The following DNAH11 variants were observed in gnomAD, a reference collection of about 807,000 sequenced individuals.
DNAH11 encodes the protein dynein axonemal heavy chain 11.
A neutral mutation model predicts 526.0 loss-of-function variants in DNAH11; 442 were observed. The ratio of observed to expected loss-of-function variants is 0.84; its 90% CI spans 0.78 to 0.91. The LOEUF (loss-of-function observed/expected upper bound fraction) is 0.91. DNAH11 is among the 40% of genes least tolerant of loss of function. The pLI is 0.00. For missense variants in DNAH11, 6,989 were observed against 5,448.7 expected (o/e 1.28, Z -8.90); for synonymous variants, 2,461 against 1,935.9 (o/e 1.27, Z -7.12).
intron 65 of DNAH11, among the ~76,000 whole-genome samples, chr7:21,836,486 C>T (rs938059456): frequency 6.6e-6 from 1 of 152,066 alleles, no homozygotes; most frequent in African/African-American, 2.4e-5. Context: ...CAAGAATACA[C>T]ATTGTGGAAA....
At chr7:21,546,601 G>T (rs1782814027) in intron 2 of DNAH11, among the ~76,000 whole-genome samples, 1 of 152,148 alleles carries the variant, frequency 6.6e-6, no homozygotes, top group Admixed American at 6.6e-5. Context: ...TCTGAAAAAG[G>T]TATGCCTGCT....
intron 71 of DNAH11, among the ~76,000 whole-genome samples, chr7:21,867,550 G>C (rs1281155037): frequency 2.6e-5 from 4 of 152,244 alleles, no homozygotes; most frequent in Non-Finnish European, 5.9e-5. Flanking sequence ...AGTAATGGGG[G>C]AATCTGGCAG....
rs1554318136 is a variant in DNAH11, at chr7:21,599,958, C to G, written c.2839C>G (p.Gln947Glu). The G allele has an allele frequency of 1.2e-6, 2 of 1,613,512 alleles. No individual in the cohort carries two copies. The highest frequency in any genetic ancestry group is 1.7e-6 in the Non-Finnish European group (2 of 1,179,706). The change falls in exon 15 of 82, where the codon CAA becomes GAA. Residue 947 changes from glutamine to glutamate, a missense_variant. Transcript: ENST00000409508. Reference protein sequence around the residue: ...QLKPAPFFQAQMILLPPEIVF... With the variant: ...QLKPAPFFQAEMILLPPEIVF... The stretch of plus-strand genomic sequence containing the variant: ...GAAACCGGCACCGTTTTTTCAAGCA[C>G]AAATGATCTTGTTGCCTCCTGAGAT...
At chr7:21,710,163 A>G (rs1381674825) in intron 40 of DNAH11, among the ~76,000 whole-genome samples, 1 of 152,218 alleles carries the variant, frequency 6.6e-6, no homozygotes, top group African/African-American at 2.4e-5. Flanking sequence ...GAGACAGGTG[A>G]AATAAACAAA....
chr7:21,677,203 CTTT>C (rs34054122), intron 30 of DNAH11, among the ~76,000 whole-genome samples: 9 of 124,130 alleles, frequency 7.3e-5, no homozygotes, highest in African/African-American at 2.4e-4. Flanking sequence ...CAGATACTGC[CTTT>C]TTTTTTTTTT....
chr7:21,737,819 G>A (rs1278098088), intron 46 of DNAH11, among the ~76,000 whole-genome samples: 1 of 152,180 alleles, frequency 6.6e-6, no homozygotes, highest in Non-Finnish European at 1.5e-5. Flanking sequence ...GTTAAGCTGA[G>A]TTGGAAAAGA....
At chr7:21,838,590 C>T (rs987362016) in intron 65 of DNAH11, among the ~76,000 whole-genome samples, 2 of 152,122 alleles carry the variant, frequency 1.3e-5, no homozygotes, top group Admixed American at 6.6e-5. Context: ...TCACTTTGTA[C>T]ATTTTCAGGT....
At chr7:21,880,084 C>CAAAAA (rs57931095) in intron 74 of DNAH11, among the ~76,000 whole-genome samples, 1 of 93,740 alleles carries the variant, frequency 1.1e-5, no homozygotes, top group Non-Finnish European at 2.3e-5. Flanking sequence ...GACTCCGTCT[C>CAAAAA]AAAAAAAAAA....
intron 25 of DNAH11, among the ~76,000 whole-genome samples, chr7:21,631,461 A>G (rs1359626249): frequency 5.3e-5 from 8 of 152,198 alleles, no homozygotes; most frequent in Non-Finnish European, 1.0e-4. Flanking sequence ...TCCCTTCCAC[A>G]TATGAGCCTG....
At chr7:21,578,759 CT>C (rs760649541) in intron 8 of DNAH11, among the ~76,000 whole-genome samples, 51 of 150,172 alleles carry the variant, frequency 3.4e-4, no homozygotes, top group Non-Finnish European at 6.7e-4. Flanking sequence ...AGGCTCAACT[CT>C]TGGCTTCTGT....
intron 5 of DNAH11, 39 bp from the exon 6 acceptor site, chr7:21,564,142 AAAAAC>A (rs1783570433): frequency 2.1e-6 from 3 of 1,462,300 alleles, no homozygotes; most frequent in South Asian, 1.5e-5. Flanking sequence ...GAAAAAAAAA[AAAAAC>A]AAACCAGAAT....
chr7:21,805,047 A>G (rs1232578114), intron 62 of DNAH11, among the ~76,000 whole-genome samples: 2 of 152,138 alleles, frequency 1.3e-5, no homozygotes, highest in African/African-American at 4.8e-5. Context: ...TTTCCCAGGC[A>G]GTCACATCAC....
At position 21,564,205 on chromosome 7, in the gene DNAH11, T is replaced by C. The variant is rs370925563; in HGVS notation, c.1002T>C (p.Asp334=). 28 of 1,599,002 alleles carry C rather than the reference T, an allele frequency of 1.8e-5. No individual in the cohort carries two copies. Among genetic ancestry groups the C allele is most frequent in the Non-Finnish European group, 2.3e-5 (27 of 1,173,292 alleles). Reference sequence around the variant, plus strand: ...TTTCAGCTCTTCTCGAAGCCCAAGATGTGGAACTTTACCTGAGACCTCTGA... The same window carrying C: ...TTTCAGCTCTTCTCGAAGCCCAAGACGTGGAACTTTACCTGAGACCTCTGA... ...AVENALLEAQ[D]VELYLRPLRR... The change falls in exon 6 of 82, where the codon GAT becomes GAC. Residue 334 remains aspartate, a synonymous_variant. Coordinates refer to ENST00000409508, the MANE Select transcript of DNAH11 (RefSeq NM_001277115.2).
At chr7:21,858,162 A>C (rs1481293972) in intron 68 of DNAH11, among the ~76,000 whole-genome samples, 3 of 152,312 alleles carry the variant, frequency 2.0e-5, no homozygotes, top group Admixed American at 6.5e-5. Flanking sequence ...AAAAATGCAA[A>C]ATAAAAGCAG....
chr7:21,610,912 A>G (rs969267994), intron 20 of DNAH11, among the ~76,000 whole-genome samples: 2 of 152,260 alleles, frequency 1.3e-5, no homozygotes, highest in Non-Finnish European at 2.9e-5. Flanking sequence ...TTCCTGGAAG[A>G]GAGAATGAAC....
At chr7:21,725,296 A>G (rs1023914790) in intron 44 of DNAH11, among the ~76,000 whole-genome samples, 3 of 152,164 alleles carry the variant, frequency 2.0e-5, no homozygotes, top group African/African-American at 7.2e-5. Context: ...AGATCAACAG[A>G]GTTTCAGTAA....
At chr7:21,564,422 C>T (rs1158738591) in intron 6 of DNAH11, 25 bp downstream of exon 6, 1 of 1,568,424 alleles carries the variant, frequency 6.4e-7, no homozygotes, top group African/African-American at 1.4e-5. Flanking sequence ...AAAACAGGAA[C>T]AATAAGAATT....
At chr7:21,791,617 C>T (rs1405486878) in intron 61 of DNAH11, among the ~76,000 whole-genome samples, 1 of 152,174 alleles carries the variant, frequency 6.6e-6, no homozygotes, top group African/African-American at 2.4e-5. Context: ...CCATCTACTT[C>T]GGGCAAGCTC....
At chr7:21,802,775 A>G (rs2127994072) in intron 62 of DNAH11, among the ~76,000 whole-genome samples, 1 of 152,094 alleles carries the variant, frequency 6.6e-6, no homozygotes, top group South Asian at 2.1e-4. Flanking sequence ...TGTGTATGAA[A>G]TGTCCAGAAC....
Sources: allele counts gnomAD v4.1 joint callset (sites outside exome capture counted in the v4.1 genomes callset), GRCh38; gene constraint gnomAD v4.1.1; transcripts MANE v1.5; gene names NCBI Gene and HGNC (gene_info 2026-07-23, HGNC 2026-07-21).